USP36: variants seen among roughly 807,000 people sequenced by gnomAD.
USP36 encodes the protein ubiquitin specific peptidase 36.
Under a neutral mutation model 111.5 loss-of-function variants are expected in USP36, and 59 were observed. The ratio of observed to expected loss-of-function variants is 0.53; its 90% CI spans 0.43 to 0.66. The LOEUF is 0.66. USP36 is among the 30% of genes least tolerant of loss of function. The probability of loss-of-function intolerance (pLI) is 0.00; values close to 1 mark genes in which losing one functional copy is unlikely to be tolerated. For synonymous variants in USP36, 628 were observed against 581.0 expected (o/e 1.08, Z -1.16); for missense variants, 1,488 against 1,468.0 (o/e 1.01, Z -0.22).
chr17:78,812,412 G>A (rs1002217906), intron 13 of USP36, among the ~76,000 whole-genome samples: 9 of 152,024 alleles, frequency 5.9e-5, no homozygotes, highest in South Asian at 2.1e-4. Flanking sequence ...AACATTGGCC[G>A]GGCGCGGTGG....
rs145638767 is a variant in USP36, at chr17:78,805,053, C to T, written c.2217-1075G>A. On this transcript the variant is annotated intron_variant, in intron 15 of 20. Coordinates refer to ENST00000449938, the MANE Select transcript of USP36 (RefSeq NM_001385174.1). ...GCGTGTCCGGGACAGGATCTAGTGC[C>T]GAACCCAGTGAGGCTCCCTCTTGCC... Among the ~76,000 whole-genome samples the T allele has an allele frequency of 3.0e-3, 459 of 152,212 alleles. 3 individuals are homozygous for T. The highest frequency in any genetic ancestry group is 9.8e-3 in the African/African-American group (406 of 41,518).
At chr17:78,810,624 A>G (rs2094025660) in intron 13 of USP36, among the ~76,000 whole-genome samples, 1 of 152,146 alleles carries the variant, frequency 6.6e-6, no homozygotes, top group African/African-American at 2.4e-5. Context: ...GTGACCACCA[A>G]CTTTGCAATT....
intron 16 of USP36, 105 bp from the exon 17 acceptor site, chr17:78,802,640 G>A: frequency 4.4e-6 from 5 of 1,129,876 alleles, no homozygotes; most frequent in Non-Finnish European, 6.2e-6. Flanking sequence ...CCCCAGCTGT[G>A]ACCCAGTGCA....
chr17:78,812,917 T>C lies in USP36; in HGVS notation c.1350A>G (p.Pro450=), dbSNP rs753273372. 1.2e-6 allele frequency: 2 copies of C among 1,613,870 alleles called. No individual in the cohort carries two copies. Among genetic ancestry groups the C allele is most frequent in the African/African-American group, 1.3e-5 (1 of 74,958 alleles). The stretch of plus-strand genomic sequence containing the variant: ...TGCCGATGTTCTTCTTGGAGTGATC[T>C]GGAATCACACTCGGGCGGCCGGGAA... ...SSLPGRPSVI[P]DHSKKNIGNG... is the part of the protein sequence containing the mutation. The change falls in exon 13 of 21, where the codon CCA becomes CCG. Residue 450 remains proline (P), a synonymous_variant. Coordinates refer to ENST00000449938, the MANE Select transcript of USP36 (RefSeq NM_001385174.1).
chr17:78,808,661 T>C (rs2093976026), intron 13 of USP36, among the ~76,000 whole-genome samples: 1 of 152,200 alleles, frequency 6.6e-6, no homozygotes, highest in African/African-American at 2.4e-5. Context: ...AAATTAAAAA[T>C]ACTGTACAGT....
chr17:78,835,172 C>T, intron 4 of USP36, 108 bp downstream of exon 4: 1 of 1,149,892 alleles, frequency 8.7e-7, no homozygotes, highest in Non-Finnish European at 1.2e-6. Flanking sequence ...ACATTATGAA[C>T]TACCCTCCTA....
intron 4 of USP36, among the ~76,000 whole-genome samples, chr17:78,831,942 C>CAA (rs573258267): frequency 0.088 from 6,779 of 76,798 alleles, 498 homozygotes; most frequent in African/African-American, 0.19. Context: ...GAGCTTGTCT[C>CAA]AAAAAAAAAA....
At chr17:78,832,356 A>G (rs568120010) in intron 4 of USP36, among the ~76,000 whole-genome samples, 2 of 152,306 alleles carry the variant, frequency 1.3e-5, no homozygotes, top group African/African-American at 4.8e-5. Context: ...GCCAAAGCCC[A>G]CTTAGGGGTC....
intron 18 of USP36, 142 bp downstream of exon 18, chr17:78,799,525 G>A (rs1403973373): frequency 2.7e-6 from 2 of 742,058 alleles, no homozygotes; most frequent in East Asian, 2.9e-5. Flanking sequence ...TCCAGCCAGT[G>A]TTGAGATTCC....
At chr17:78,829,935 T>G (rs2067932329) in intron 4 of USP36, among the ~76,000 whole-genome samples, 1 of 152,182 alleles carries the variant, frequency 6.6e-6, no homozygotes, top group South Asian at 2.1e-4. Context: ...GAGACAGAGT[T>G]TCACCATGCT....
chr17:78,834,596 C>T (rs1035329623), intron 4 of USP36, among the ~76,000 whole-genome samples: 5 of 151,868 alleles, frequency 3.3e-5, no homozygotes, highest in African/African-American at 1.2e-4. Flanking sequence ...ACAGGTGCAC[C>T]CCATCACGCC....
rs1184768816 is a variant in USP36, at chr17:78,803,704, G to A, written c.2491C>T (p.Gln831Ter). ...QRLGSETRLP[Q>*]HIREATAAPH... The stretch of plus-strand genomic sequence containing the variant: ...GCCGCAGTGGCCTCCCTGATGTGCT[G>A]TGGGAGGCGCGTCTCTGAGCCCAGC... Residue 831 changes from glutamine (Q) to a stop codon, truncating the protein, a stop_gained, in exon 16 of 21, where the codon CAG (glutamine) becomes TAG (stop). Transcript: ENST00000449938. LOFTEE classifies it high-confidence loss of function. The surrounding 1 kb of genome is among the most constrained non-coding windows in gnomAD (Gnocchi z 4.6). 6.2e-7 allele frequency: 1 copy of A among 1,611,854 alleles called. No individual in the cohort carries two copies. Among genetic ancestry groups the A allele is most frequent in the Non-Finnish European group, 8.5e-7 (1 of 1,179,896 alleles).
At chr17:78,800,531 C>A (rs1182389157) in intron 17 of USP36, among the ~76,000 whole-genome samples, 2 of 152,262 alleles carry the variant, frequency 1.3e-5, no homozygotes, top group African/African-American at 4.8e-5. Context: ...GACCTCATTT[C>A]TCCCTGCCTC....
rs750218570 is a variant in USP36 at position 78,835,329 on chromosome 17, G to A, written c.426C>T (p.Tyr142=). The A allele has an allele frequency of 5.0e-6, 8 of 1,614,276 alleles. No individual in the cohort carries two copies. The South Asian group carries it at 7.7e-5, about 16-fold the overall frequency. ...GCAGGTAGTTGGCTAGAGGTGGTGT[G>A]TAGGTCAAGCACTGGATGGTGGCAT... ...FLNATIQCLT[Y]TPPLANYLLS... The change falls in exon 4 of 21, where the codon TAC becomes TAT. Residue 142 remains tyrosine (Y), a synonymous_variant. Transcript: ENST00000449938.
chr17:78,832,071 T>TGTTC (rs2068181400), intron 4 of USP36, among the ~76,000 whole-genome samples: 1 of 152,160 alleles, frequency 6.6e-6, no homozygotes, highest in Non-Finnish European at 1.5e-5. Context: ...GACAAATATT[T>TGTTC]ATTCATGTAA....
chr17:78,813,017 A>C lies in USP36; in HGVS notation c.1266-16T>G, dbSNP rs1388420601. On this transcript the variant is annotated splice_polypyrimidine_tract_variant and intron_variant, in intron 12 of 20. Transcript: ENST00000449938. ...GCCTGGAATTCTGTCAAAGGAAGAA[A>C]ACAAGTAGGGAATTCTCTTACTAGG... 3 of 1,613,682 alleles carry C rather than the reference A, an allele frequency of 1.9e-6. No homozygotes were observed. The East Asian group carries it at 6.7e-5, about 36-fold the overall frequency.
In USP36 at chr17:78,824,194, T is replaced by C. The variant is rs573630301; in HGVS notation, c.690-2190A>G. On this transcript the variant is annotated intron_variant, in intron 6 of 20. Transcript: ENST00000449938. ...CAACTGGAGGGTGGGCAATGAGCAA[T>C]GGGAAGATGTAACCATAACCCAAGG... is the stretch of plus-strand genomic sequence containing the variant. Among the ~76,000 whole-genome samples the C allele has an allele frequency of 1.7e-4, 26 of 152,208 alleles. No homozygotes were observed. The East Asian group carries it at 5.0e-3, about 29-fold the overall frequency.
At chr17:78,800,084 A>G (rs1268940868) in intron 17 of USP36, among the ~76,000 whole-genome samples, 2 of 151,226 alleles carry the variant, frequency 1.3e-5, no homozygotes, top group Non-Finnish European at 3.0e-5. Flanking sequence ...GCTGTTGTCC[A>G]AGTCAATTCA....
chr17:78,839,582 C>T (rs1455117890), intron 1 of USP36, among the ~76,000 whole-genome samples: 1 of 152,158 alleles, frequency 6.6e-6, no homozygotes, highest in African/African-American at 2.4e-5. Context: ...GATAAACGAA[C>T]CTTGGGAGAT....
Sources: gnomAD v4.1 joint callset for allele counts (sites outside exome capture counted in the v4.1 genomes callset) on GRCh38, gnomAD v4.1.1 for gene constraint, Gnocchi (gnomAD v3.1) non-coding constraint, MANE v1.5 for transcripts, NCBI Gene and HGNC (gene_info 2026-07-23, HGNC 2026-07-21) for gene names.